The following MEMO1 variants were observed in gnomAD, a reference collection of about 807,000 sequenced individuals.
The protein encoded by MEMO1 is protein MEMO1.
MEMO1 carries 6 observed loss-of-function variants against 45.2 expected under a neutral mutation model. That is an observed-to-expected ratio of 0.13 (90% CI 0.07 to 0.26). The LOEUF is 0.26. MEMO1 is among the 10% of genes least tolerant of loss of function. The pLI is 1.00. For missense variants in MEMO1, 184 were observed against 370.5 expected (o/e 0.50, Z 4.13); for synonymous variants, 78 against 124.3 (o/e 0.63, Z 2.48).
At chr2:31,873,509 C>A (rs1010143877) in intron 8 of MEMO1, among the ~76,000 whole-genome samples, 9 of 152,080 alleles carry the variant, frequency 5.9e-5, no homozygotes, top group South Asian at 2.1e-4. Context: ...GATTCAGGAC[C>A]CTGATAAGAC....
intron 2 of MEMO1, among the ~76,000 whole-genome samples, chr2:31,986,598 T>G (rs1671290480): frequency 6.6e-6 from 1 of 152,190 alleles, no homozygotes; most frequent in Non-Finnish European, 1.5e-5. Context: ...ATTAATAAGT[T>G]TTGCAAAATA....
chr2:31,933,347 AAATT>A (rs1390329606), intron 3 of MEMO1, among the ~76,000 whole-genome samples: 35 of 19,952 alleles, frequency 1.8e-3, no homozygotes, highest in African/African-American at 5.5e-3. Flanking sequence ...AAAAAAAAAA[AAATT>A]TATATATATA....
chr2:31,990,313 T>C (rs998953720), intron 2 of MEMO1, among the ~76,000 whole-genome samples: 3 of 152,214 alleles, frequency 2.0e-5, no homozygotes, highest in Non-Finnish European at 4.4e-5. Context: ...TCTCATACTC[T>C]TCTTGTTCCG....
intron 8 of MEMO1, among the ~76,000 whole-genome samples, chr2:31,875,540 A>G (rs1348032576): frequency 6.6e-6 from 1 of 152,036 alleles, no homozygotes; most frequent in Non-Finnish European, 1.5e-5. Flanking sequence ...AAAATAGTCA[A>G]CCCATTAGCA....
rs149410082 is a variant in MEMO1, at chr2:31,876,918, T to C, written c.657+6468A>G. 8.1e-3 allele frequency among the ~76,000 whole-genome samples: 1,240 copies of C among 152,280 alleles called. 19 individuals are homozygous for C. The highest frequency in any genetic ancestry group is 0.012 in the Non-Finnish European group (844 of 68,030). ...TACCCACTGTCTAAATTACCATAGTTTCTCATCTGGACTACCTAACTGGTC... is the reference window on the plus strand; with the variant it reads ...TACCCACTGTCTAAATTACCATAGTCTCTCATCTGGACTACCTAACTGGTC... On this transcript the variant is annotated intron_variant, in intron 8 of 9. Coordinates refer to ENST00000404530, the MANE Select transcript of MEMO1 (RefSeq NM_001301833.4).
chr2:31,908,336 A>T (rs1454616145), intron 6 of MEMO1, among the ~76,000 whole-genome samples: 1 of 152,194 alleles, frequency 6.6e-6, no homozygotes, highest in African/African-American at 2.4e-5. Context: ...GATTTCAGGA[A>T]ACTTCAGACT....
At chr2:31,928,542 A>G (rs1239759317) in intron 4 of MEMO1, among the ~76,000 whole-genome samples, 1 of 36,986 alleles carries the variant, frequency 2.7e-5, no homozygotes, top group Non-Finnish European at 6.9e-5. Flanking sequence ...GAGAGACTCC[A>G]TCTCAAAAAA....
chr2:31,875,504 T>C lies in MEMO1; in HGVS notation c.658-5552A>G, dbSNP rs570847176. On this transcript the variant is annotated intron_variant, in intron 8 of 9. Transcript: ENST00000404530. Reference sequence around the variant, plus strand: ...TCCCAAACTTACATCTCTAGTCCAATTGAAAGCCTTCCTGAGTTCCAAACC... The same window carrying C: ...TCCCAAACTTACATCTCTAGTCCAACTGAAAGCCTTCCTGAGTTCCAAACC... Among the ~76,000 whole-genome samples the C allele has an allele frequency of 1.8e-4, 27 of 152,280 alleles. No individual in the cohort carries two copies. In the East Asian group the frequency reaches 3.1e-3, roughly 17 times the overall value.
intron 3 of MEMO1, among the ~76,000 whole-genome samples, chr2:31,935,675 C>G (rs1229727225): frequency 1.3e-5 from 2 of 152,020 alleles, no homozygotes; most frequent in Non-Finnish European, 2.9e-5. Flanking sequence ...TTATCCTCGC[C>G]CAGAAACATG....
At chr2:31,925,401 G>A (rs577032384) in intron 4 of MEMO1, among the ~76,000 whole-genome samples, 9 of 148,786 alleles carry the variant, frequency 6.0e-5, no homozygotes, top group African/African-American at 2.0e-4. Flanking sequence ...GTTTGAACCC[G>A]GGAGGCAGAG....
At chr2:31,920,679 A>C (rs1682193902) in intron 5 of MEMO1, 119 bp downstream of exon 5, 5 of 520,146 alleles carry the variant, frequency 9.6e-6, no homozygotes, top group Admixed American at 4.3e-5. Flanking sequence ...TAGTTATAAC[A>C]ATTTTTATTT....
chr2:31,920,171 C>G (rs939783834), intron 5 of MEMO1, among the ~76,000 whole-genome samples: 7 of 151,690 alleles, frequency 4.6e-5, no homozygotes, highest in South Asian at 4.2e-4. Context: ...ACTCCCCCCC[C>G]CAAAAGAAAA....
intron 6 of MEMO1, among the ~76,000 whole-genome samples, chr2:31,896,451 G>A (rs953974732): frequency 6.6e-6 from 1 of 152,132 alleles, no homozygotes; most frequent in Admixed American, 6.5e-5. Flanking sequence ...TAGAGAAAAA[G>A]CAGGCATAGA....
chr2:32,010,171 C>A lies in MEMO1; in HGVS notation c.61+16G>T, dbSNP rs746889252. 1.4e-5 allele frequency: 18 copies of A among 1,324,824 alleles called. No individual in the cohort carries two copies. Among genetic ancestry groups the A allele is most frequent in the South Asian group, 1.7e-5 (1 of 59,554 alleles). 82.1% of individuals were successfully genotyped at this position (1,324,824 alleles called of 1,614,324 possible). A position where few individuals can be genotyped will look rare whatever the true frequency, so the allele number is the denominator to read the frequency against. On this transcript the variant is annotated intron_variant, in intron 2 of 9. Coordinates refer to ENST00000404530, the MANE Select transcript of MEMO1 (RefSeq NM_001301833.4). ...GCGGCGACGGCGGCGGGCGGGCCGGCGGCCTGGGGCCCTACCTGAGGCTGT... is the reference window on the plus strand; with the variant it reads ...GCGGCGACGGCGGCGGGCGGGCCGGAGGCCTGGGGCCCTACCTGAGGCTGT...
chr2:31,948,645 T>C (rs1049607012), intron 2 of MEMO1, among the ~76,000 whole-genome samples: 2 of 152,214 alleles, frequency 1.3e-5, no homozygotes, highest in Non-Finnish European at 2.9e-5. Context: ...ACACTTGTAA[T>C]ACCAGCATTT....
intron 2 of MEMO1, among the ~76,000 whole-genome samples, chr2:32,003,129 C>T (rs1221623912): frequency 6.6e-6 from 1 of 151,934 alleles, no homozygotes; most frequent in African/African-American, 2.4e-5. Flanking sequence ...TTTTTTTAAT[C>T]CAATCAAACT....
intron 2 of MEMO1, among the ~76,000 whole-genome samples, chr2:32,001,959 A>C (rs1419350831): frequency 6.6e-6 from 1 of 151,840 alleles, no homozygotes; most frequent in Non-Finnish European, 1.5e-5. Context: ...CATCCTGACC[A>C]ACATGGTGAA....
At chr2:31,902,590 T>A (rs1572624786) in intron 6 of MEMO1, among the ~76,000 whole-genome samples, 1 of 152,180 alleles carries the variant, frequency 6.6e-6, no homozygotes, top group East Asian at 1.9e-4. Flanking sequence ...CAGTTAATAA[T>A]ACCTCACCAG....
At chr2:31,906,019 G>A (rs971076530) in intron 6 of MEMO1, among the ~76,000 whole-genome samples, 3 of 151,758 alleles carry the variant, frequency 2.0e-5, no homozygotes, top group East Asian at 1.9e-4. Context: ...TGTCGCCTGG[G>A]CTGGAGTGCA....
Sources: allele counts gnomAD v4.1 joint callset (sites outside exome capture counted in the v4.1 genomes callset), GRCh38; gene constraint gnomAD v4.1.1; transcripts MANE v1.5; gene names NCBI Gene and HGNC (gene_info 2026-07-23, HGNC 2026-07-21).